The following TCERG1L variants were observed in gnomAD, a reference collection of about 807,000 sequenced individuals.
TCERG1L encodes the protein transcription elongation regulator 1 like, also known as transcription elongation regulator 1-like protein.
TCERG1L carries 37 observed loss-of-function variants against 56.3 expected under a neutral mutation model. The ratio of observed to expected loss-of-function variants is 0.66; its 90% CI spans 0.51 to 0.87. The LOEUF (loss-of-function observed/expected upper bound fraction) is 0.87. Ranked by LOEUF, TCERG1L falls within the 40% of genes least tolerant of loss-of-function variation. The pLI, the probability that TCERG1L is intolerant of heterozygous loss-of-function variation, is 0.00. For synonymous variants in TCERG1L, 324 were observed against 326.3 expected (o/e 0.99, Z 0.08); for missense variants, 799 against 774.2 (o/e 1.03, Z -0.38).
intron 9 of TCERG1L, among the ~76,000 whole-genome samples, chr10:131,116,560 G>A (rs770899090): frequency 1.3e-5 from 2 of 152,144 alleles, no homozygotes; most frequent in Non-Finnish European, 2.9e-5. Context: ...CTTAGCACCT[G>A]CCTCTCACTC....
intron 3 of TCERG1L, among the ~76,000 whole-genome samples, chr10:131,290,103 T>C (rs1589774189): frequency 1.1e-5 from 1 of 88,678 alleles, no homozygotes; most frequent in Non-Finnish European, 2.4e-5. Flanking sequence ...GGTGTGTGTG[T>C]GTATGTGTGC....
chr10:131,200,164 T>C (rs1009428357), intron 4 of TCERG1L, among the ~76,000 whole-genome samples: 1 of 152,328 alleles, frequency 6.6e-6, no homozygotes, highest in East Asian at 1.9e-4. Context: ...CCATTCCTGG[T>C]TCTAAAGCTG....
At chr10:131,180,897 C>T (rs949902961) in intron 4 of TCERG1L, among the ~76,000 whole-genome samples, 1 of 151,984 alleles carries the variant, frequency 6.6e-6, no homozygotes, top group Non-Finnish European at 1.5e-5. Context: ...TGTGAATCCC[C>T]ACGCTTCCCA....
In TCERG1L at chr10:131,222,387, A is replaced by C. The variant is rs564571774; in HGVS notation, c.856+37872T>G. On this transcript the variant is annotated intron_variant, in intron 4 of 11. Transcript: ENST00000368642. ...ATTAGTGCTGCCCCGAGGGGCCATG[A>C]GTTAAAAAATGTGTCAACTTCTAGA... Among the ~76,000 whole-genome samples the C allele has an allele frequency of 5.3e-5, 8 of 152,320 alleles. No homozygotes were observed. The East Asian group carries it at 1.5e-3, about 29-fold the overall frequency.
At chr10:131,135,232 T>G (rs940821270) in intron 7 of TCERG1L, among the ~76,000 whole-genome samples, 1 of 152,124 alleles carries the variant, frequency 6.6e-6, no homozygotes, top group Admixed American at 6.5e-5. Flanking sequence ...CCCGCCCAGC[T>G]TGGGTGGCCA....
intron 3 of TCERG1L, among the ~76,000 whole-genome samples, chr10:131,262,141 C>T (rs572784209): frequency 1.4e-4 from 21 of 152,188 alleles, no homozygotes; most frequent in African/African-American, 4.1e-4. Flanking sequence ...TTACTCCAAG[C>T]GAGGCGAGCC....
intron 4 of TCERG1L, among the ~76,000 whole-genome samples, chr10:131,214,267 C>A (rs775592755): frequency 1.7e-4 from 26 of 152,082 alleles, no homozygotes; most frequent in Non-Finnish European, 3.5e-4. Flanking sequence ...CACGCCCTGC[C>A]CCCTGTCCAG....
intron 3 of TCERG1L, among the ~76,000 whole-genome samples, chr10:131,300,309 G>A (rs570355533): frequency 3.6e-4 from 55 of 152,024 alleles, no homozygotes; most frequent in Non-Finnish European, 5.6e-4. Context: ...TGTTCATTAC[G>A]TCTTCAAATA....
chr10:131,174,943 C>T (rs1166337518), intron 4 of TCERG1L, among the ~76,000 whole-genome samples: 3 of 92,928 alleles, frequency 3.2e-5, no homozygotes, highest in Admixed American at 9.9e-5. Flanking sequence ...CTCAACCCTG[C>T]AGCCTGAACC....
intron 4 of TCERG1L, among the ~76,000 whole-genome samples, chr10:131,191,517 T>C (rs1439739510): frequency 1.4e-5 from 2 of 143,396 alleles, no homozygotes; most frequent in African/African-American, 2.6e-5. Context: ...CAAAACAGCA[T>C]GGTACTAGTA....
chr10:131,311,342 G>A lies in TCERG1L; in HGVS notation c.294C>T (p.Asp98=). The change falls in exon 1 of 12, where the codon GAC becomes GAT. Residue 98 remains aspartate, a synonymous_variant. Coordinates refer to ENST00000368642, the MANE Select transcript of TCERG1L (RefSeq NM_174937.4). This position sits in a 1 kb window ranked among gnomAD's most constrained non-coding sequence, Gnocchi z 4.0. ...GGTGCGCGGCGGCGGCGGCGGCGGA[G>A]TCTGGCGCAGAGGGCAGCGGCAGCA... ...LPLLPLPSAP[D]SAAAAAAHPF... is the part of the protein sequence containing the mutation. The A allele has an allele frequency of 8.3e-7, 1 of 1,204,570 alleles. No individual in the cohort carries two copies. Among genetic ancestry groups the A allele is most frequent in the Non-Finnish European group, 1.0e-6 (1 of 971,718 alleles). The allele number at this position is 1,204,570 out of a possible 1,614,324, so 74.6% of individuals were successfully genotyped here.
At chr10:131,138,953 CT>C (rs1297500836) in intron 7 of TCERG1L, among the ~76,000 whole-genome samples, 2 of 152,206 alleles carry the variant, frequency 1.3e-5, no homozygotes, top group Admixed American at 6.5e-5. Context: ...CACTGTTAGC[CT>C]TGATCTTCAA....
chr10:131,234,860 C>T (rs774842505), intron 4 of TCERG1L, among the ~76,000 whole-genome samples: 4 of 152,194 alleles, frequency 2.6e-5, no homozygotes, highest in Non-Finnish European at 5.9e-5. Flanking sequence ...TGCGCCACCA[C>T]GCCTAGCTAA....
intron 3 of TCERG1L, among the ~76,000 whole-genome samples, chr10:131,268,707 C>A (rs1846309510): frequency 6.6e-6 from 1 of 152,240 alleles, no homozygotes. Flanking sequence ...TCACCTTACA[C>A]TTTTATGTTA....
chr10:131,281,404 A>AT lies in TCERG1L; in HGVS notation c.671-20961dup, dbSNP rs199554024. Among the ~76,000 whole-genome samples, 84 of 151,618 alleles carry AT rather than the reference A, an allele frequency of 5.5e-4. 1 individual carries two copies. The East Asian group carries it at 0.011, about 21-fold the overall frequency. ...AAGGAGATTCAAGGTCCATCTCCAA[A>AT]TTAAAAAAAAAAAATCCATTGCAGT... On this transcript the variant is annotated intron_variant, in intron 3 of 11. Transcript: ENST00000368642.
intron 4 of TCERG1L, among the ~76,000 whole-genome samples, chr10:131,224,112 T>TC (rs1019576191): frequency 1.3e-5 from 2 of 152,046 alleles, no homozygotes; most frequent in South Asian, 4.2e-4. Flanking sequence ...CTGTCTCCTT[T>TC]CCCCCTGACC....
intron 4 of TCERG1L, among the ~76,000 whole-genome samples, chr10:131,178,650 A>G (rs1845137468): frequency 6.6e-6 from 1 of 152,100 alleles, no homozygotes; most frequent in African/African-American, 2.4e-5. Context: ...AGCACCTGGG[A>G]GACATGTGGT....
chr10:131,221,519 G>A (rs987345158), intron 4 of TCERG1L, among the ~76,000 whole-genome samples: 4 of 152,216 alleles, frequency 2.6e-5, no homozygotes, highest in African/African-American at 9.6e-5. Context: ...ACTGTGCCAT[G>A]AGGCTCCAAG....
chr10:131,284,191 A>G (rs1276185599), intron 3 of TCERG1L, among the ~76,000 whole-genome samples: 3 of 151,916 alleles, frequency 2.0e-5, no homozygotes, highest in African/African-American at 7.2e-5. Context: ...ATCTCCACAC[A>G]TTTCAGAAGA....
Sources: gnomAD v4.1 joint callset for allele counts (sites outside exome capture counted in the v4.1 genomes callset) on GRCh38, gnomAD v4.1.1 for gene constraint, Gnocchi (gnomAD v3.1) non-coding constraint, MANE v1.5 for transcripts, NCBI Gene and HGNC (gene_info 2026-07-23, HGNC 2026-07-21) for gene names.